Variants in GBF1 observed in about 807,000 individuals in gnomAD.
GBF1 encodes the protein golgi brefeldin A resistant guanine nucleotide exchange factor 1.
A neutral mutation model predicts 210.5 loss-of-function variants in GBF1; 114 were observed. The observed-to-expected ratio is 0.54, with a 90% CI of 0.47 to 0.63. The LOEUF is 0.63. Ranked by LOEUF, GBF1 falls within the 30% of genes least tolerant of loss-of-function variation. GBF1 has a pLI of 0.00. For synonymous variants in GBF1, 850 were observed against 889.2 expected (o/e 0.96, Z 0.78); for missense variants, 1,851 against 2,357.7 (o/e 0.79, Z 4.45).
chr10:102,269,308 A>G (rs2074175381), intron 3 of GBF1, among the ~76,000 whole-genome samples: 1 of 152,210 alleles, frequency 6.6e-6, no homozygotes, highest in Non-Finnish European at 1.5e-5. Flanking sequence ...GGGGGCATCC[A>G]GGAAGTGGCC....
At chr10:102,365,130 A>G (rs3862029) in intron 17 of GBF1, among the ~76,000 whole-genome samples, 152,282 of 152,354 alleles carry the variant, frequency 1, 76,105 homozygotes, top group Middle Eastern at 1. Flanking sequence ...CTTTTCCCCC[A>G]ATCCTAAGTT....
chr10:102,300,108 GA>G (rs889513818), intron 3 of GBF1, among the ~76,000 whole-genome samples: 1 of 152,108 alleles, frequency 6.6e-6, no homozygotes, highest in Non-Finnish European at 1.5e-5. Context: ...AGTATTTCTG[GA>G]GTATCTTGCA....
chr10:102,250,293 T>C (rs1398580848), intron 1 of GBF1, among the ~76,000 whole-genome samples: 1 of 152,000 alleles, frequency 6.6e-6, no homozygotes, highest in Non-Finnish European at 1.5e-5. Flanking sequence ...CCTCTCAGGC[T>C]GAAGTGATCC....
chr10:102,362,524 T>C lies in GBF1; in HGVS notation c.1736T>C (p.Leu579Pro), dbSNP rs2059676621. The C allele has an allele frequency of 1.2e-6, 2 of 1,613,308 alleles. No homozygotes were observed. Among genetic ancestry groups the C allele is most frequent in the Non-Finnish European group, 1.7e-6 (2 of 1,179,234 alleles). Residue 579 changes from leucine (L) to proline (P), a missense_variant, in exon 15 of 40, where the codon CTT (leucine) becomes CCT (proline). By Grantham distance (98) the Leu-to-Pro change is moderately conservative. Coordinates refer to ENST00000369983, the MANE Select transcript of GBF1 (RefSeq NM_001377137.1). ...CTCTATACAACACACCTACTATCTC[T>C]TGATGCCCTATTGACAGTGATTGAC... ...GQLYTTHLLS[L>P]DALLTVIDST... is the part of the protein sequence containing the mutation.
chr10:102,307,037 G>A (rs140648781), intron 3 of GBF1, among the ~76,000 whole-genome samples: 10 of 152,266 alleles, frequency 6.6e-5, no homozygotes, highest in South Asian at 2.1e-4. Context: ...TAAATTTAGC[G>A]GACATTAAGC....
intron 1 of GBF1, among the ~76,000 whole-genome samples, chr10:102,248,128 A>G (rs1201213113): frequency 2.0e-5 from 3 of 152,068 alleles, no homozygotes; most frequent in Non-Finnish European, 4.4e-5. Flanking sequence ...ATCACACACT[A>G]TATCCCTGTG....
chr10:102,325,141 T>A (rs1412014477), intron 3 of GBF1, among the ~76,000 whole-genome samples: 1 of 152,070 alleles, frequency 6.6e-6, no homozygotes, highest in Admixed American at 6.5e-5. Context: ...TAAAGTTTGT[T>A]GCTTTTCTCC....
At chr10:102,266,214 G>A (rs945180472) in intron 3 of GBF1, among the ~76,000 whole-genome samples, 1 of 152,076 alleles carries the variant, frequency 6.6e-6, no homozygotes, top group African/African-American at 2.4e-5. Context: ...ACTCCAGCCT[G>A]GGTGACAGAG....
intron 31 of GBF1, 42 bp from the exon 32 acceptor site, chr10:102,376,516 CAG>C: frequency 1.2e-6 from 2 of 1,612,278 alleles, no homozygotes; most frequent in Admixed American, 1.7e-5. Flanking sequence ...GACATTCACA[CAG>C]GGGCCAAGCC....
chr10:102,326,023 A>G (rs1029465839), intron 3 of GBF1, among the ~76,000 whole-genome samples: 1 of 152,194 alleles, frequency 6.6e-6, no homozygotes, highest in African/African-American at 2.4e-5. Context: ...GGCCTATTTT[A>G]TACGGAAAGA....
chr10:102,277,658 C>T (rs778747367), intron 3 of GBF1, among the ~76,000 whole-genome samples: 2 of 152,146 alleles, frequency 1.3e-5, no homozygotes, highest in Non-Finnish European at 2.9e-5. Flanking sequence ...GGATTACAGG[C>T]GTGAGCCACC....
chr10:102,355,196 T>G (rs2059222550), intron 8 of GBF1, among the ~76,000 whole-genome samples: 1 of 152,216 alleles, frequency 6.6e-6, no homozygotes, highest in African/African-American at 2.4e-5. Flanking sequence ...GTGTGCATGC[T>G]GAAGGTGTGG....
rs1565184042 is a variant in GBF1 at position 102,376,636 on chromosome 10, G to T, written c.4124G>T (p.Ser1375Ile). ...PGPSPLINQYSLTVGLDLGPH... is the reference protein window; with the variant it reads ...PGPSPLINQYILTVGLDLGPH... ...CCTTCACCCCTGATCAATCAATACA[G>T]CCTAACAGTGGGACTGGATTTGGGG... Residue 1375 changes from serine to isoleucine, a missense_variant, in exon 32 of 40, where the codon AGC becomes ATC. By Grantham distance (142) the Ser-to-Ile change is moderately radical (BLOSUM62 -2). This residue lies in a region of GBF1 where 967 missense variants were observed against 1,247.7 expected (regional missense o/e 0.78). Coordinates refer to ENST00000369983, the MANE Select transcript of GBF1 (RefSeq NM_001377137.1). 1.9e-6 allele frequency: 3 copies of T among 1,613,838 alleles called. No individual in the cohort carries two copies. The highest frequency in any genetic ancestry group is 2.5e-6 in the Non-Finnish European group (3 of 1,179,828).
intron 17 of GBF1, 22 bp from the exon 18 acceptor site, chr10:102,365,375 A>G: frequency 1.3e-6 from 2 of 1,591,676 alleles, no homozygotes; most frequent in Non-Finnish European, 1.7e-6. Context: ...TAGCTTCTAT[A>G]CCTCTAGTTT....
intron 8 of GBF1, 92 bp downstream of exon 8, chr10:102,353,746 C>A: frequency 1.1e-6 from 1 of 883,026 alleles, no homozygotes; most frequent in Non-Finnish European, 1.9e-6. Flanking sequence ...CAAAGATATG[C>A]TTTTGCCTAA....
At chr10:102,324,008 G>A (rs1184565171) in intron 3 of GBF1, among the ~76,000 whole-genome samples, 1 of 151,964 alleles carries the variant, frequency 6.6e-6, no homozygotes, top group South Asian at 2.1e-4. Context: ...CCTCATTATG[G>A]TTTGTCATAA....
intron 3 of GBF1, among the ~76,000 whole-genome samples, chr10:102,312,358 A>G (rs1052810249): frequency 1.5e-4 from 23 of 151,598 alleles, no homozygotes; most frequent in African/African-American, 5.6e-4. Flanking sequence ...TGTGGGGTTG[A>G]GGAACAATCC....
intron 1 of GBF1, among the ~76,000 whole-genome samples, chr10:102,252,985 C>T (rs902677316): frequency 1.3e-5 from 2 of 152,114 alleles, no homozygotes; most frequent in African/African-American, 4.8e-5. Context: ...ACCTCCACCT[C>T]CTGGGTTCAA....
chr10:102,369,141 C>A, intron 23 of GBF1, 70 bp from the exon 24 acceptor site: 1 of 1,130,748 alleles, frequency 8.8e-7, no homozygotes, highest in Non-Finnish European at 1.3e-6. Flanking sequence ...CCATCATAGG[C>A]AGAGACCTAA....
Sources: gnomAD v4.1 joint callset for allele counts (sites outside exome capture counted in the v4.1 genomes callset) on GRCh38, gnomAD v4.1.1 for gene constraint, gnomAD v4.1.1 regional missense constraint, MANE v1.5 for transcripts, NCBI Gene and HGNC (gene_info 2026-07-23, HGNC 2026-07-21) for gene names.